Variants in SLC46A1 observed in about 807,000 individuals in gnomAD.
The protein encoded by SLC46A1 is proton-coupled folate transporter.
A neutral mutation model predicts 32.1 loss-of-function variants in SLC46A1; 17 were observed. The ratio of observed to expected loss-of-function variants is 0.53; its 90% CI spans 0.36 to 0.79. SLC46A1 has a LOEUF of 0.79. Ranked by LOEUF, SLC46A1 falls within the 30% of genes least tolerant of loss-of-function variation. The pLI is 0.00. For synonymous variants in SLC46A1, 240 were observed against 262.7 expected, an observed-to-expected ratio of 0.91 and a Z score of 0.84; for missense variants, 517 against 588.2, an observed-to-expected ratio of 0.88 and a Z score of 1.25.
Position 28,404,938 on chromosome 17 carries a change from C to T in SLC46A1, c.759G>A (p.Gln253=). The change falls in exon 2 of 5, where the codon CAG becomes CAA. Residue 253 remains glutamine, a synonymous_variant. Transcript: ENST00000612814. Reference sequence around the variant, plus strand: ...TCTCTGGGGCGGGAGCCACATAGAGCTGGACAATGGATCGGTGGTGACGGA... The same window carrying T: ...TCTCTGGGGCGGGAGCCACATAGAGTTGGACAATGGATCGGTGGTGACGGA... ...FTFRHHRSIV[Q]LYVAPAPEKS... The T allele has an allele frequency of 6.2e-7, 1 of 1,614,034 alleles. No individual in the cohort carries two copies.
upstream of SLC46A1, chr17:28,406,331 C>T (rs1446829697): frequency 2.4e-6 from 1 of 417,598 alleles, no homozygotes; most frequent in Non-Finnish European, 4.1e-6. This position sits in a 1 kb window ranked among gnomAD's most constrained non-coding sequence, Gnocchi z 4.5. Context: ...GGGCCCGGCA[C>T]CCCCAGCCCG....
chr17:28,395,864 T>G lies in SLC46A1; in HGVS notation c.*3792A>C, dbSNP rs2068115049. On this transcript the variant is annotated 3_prime_UTR_variant, in exon 5 of 5. Coordinates refer to ENST00000612814, the MANE Select transcript of SLC46A1 (RefSeq NM_080669.6). The stretch of plus-strand genomic sequence containing the variant: ...CTGCCTGGCTACAAGGGTCCCTAGA[T>G]GGGTACAGGGGTATCTTCCTCCTTT... 1 of 1,609,404 alleles carries G rather than the reference T, an allele frequency of 6.2e-7. No individual in the cohort carries two copies. The highest frequency in any genetic ancestry group is 1.7e-5 in the Admixed American group (1 of 59,990).
In SLC46A1 at chr17:28,405,029, G is replaced by A. The variant is rs1555590652; in HGVS notation, c.668C>T (p.Thr223Ile). ...ACCAAAGCAGAAAGCTGCATAGAGAGTCATGGCTATCAGCAAGGCCAAGGC... is the reference window on the plus strand; with the variant it reads ...ACCAAAGCAGAAAGCTGCATAGAGAATCATGGCTATCAGCAAGGCCAAGGC... ...WLALALLIAM[T>I]LYAAFCFGET... Residue 223 changes from threonine to isoleucine, a missense_variant, in exon 2 of 5, where the codon ACT becomes ATT. Transcript: ENST00000612814. 6.8e-6 allele frequency: 11 copies of A among 1,613,916 alleles called. No homozygotes were observed. The highest frequency in any genetic ancestry group is 8.5e-6 in the Non-Finnish European group (10 of 1,179,900).
Position 28,398,269 on chromosome 17 carries a change from AC to A in SLC46A1, c.*1386del, listed in dbSNP as rs2068155159. ...CCTGCGTTTTATTTCTATTTGGTAT[AC>A]CCTCCACTGTTGTCCACTGCCCTGT... is the stretch of plus-strand genomic sequence containing the variant. On this transcript the variant is annotated 3_prime_UTR_variant, in exon 5 of 5. Coordinates refer to ENST00000612814, the MANE Select transcript of SLC46A1 (RefSeq NM_080669.6). 1.3e-5 allele frequency: 2 copies of A among 152,050 alleles called. No individual in the cohort carries two copies. Among genetic ancestry groups the A allele is most frequent in the South Asian group, 4.2e-4 (2 of 4,812 alleles). 9.4% of individuals were successfully genotyped at this position (152,050 alleles called of 1,614,324 possible).
At position 28,402,220 on chromosome 17, in the gene SLC46A1, G is replaced by A. The variant is rs1555589761; in HGVS notation, c.1165+18C>T. The stretch of plus-strand genomic sequence containing the variant: ...ACTGGACATGAGGAACCAGACACAG[G>A]TGGGTTCTGACACTCACCCTGCTCT... On this transcript the variant is annotated intron_variant, in intron 3 of 4. Transcript: ENST00000612814. The A allele has an allele frequency of 1.2e-6, 2 of 1,607,118 alleles. No individual in the cohort carries two copies. Among genetic ancestry groups the A allele is most frequent in the Admixed American group, 1.7e-5 (1 of 59,498 alleles).
chr17:28,401,110 G>C (rs2068192743), intron 3 of SLC46A1: 1 of 350,540 alleles, frequency 2.9e-6, no homozygotes, highest in African/African-American at 2.1e-5. Context: ...ATCCTCTTTG[G>C]AATCATCTCC....
At chr17:28,404,488 C>G in intron 2 of SLC46A1, 128 bp downstream of exon 2, 1 of 1,232,356 alleles carries the variant, frequency 8.1e-7, no homozygotes, top group Non-Finnish European at 1.2e-6. Context: ...TTCTCCAGTG[C>G]AGGCTGGGGG....
In SLC46A1 at chr17:28,399,083, G is replaced by A. The variant is rs2068164126; in HGVS notation, c.*573C>T. On this transcript the variant is annotated 3_prime_UTR_variant, in exon 5 of 5. Transcript: ENST00000612814. ...AATGATTGGCACTCTTCAGCCAGGG[G>A]AGTGGGTAGGCCATAGCCAAGGATC... The A allele has an allele frequency of 6.5e-6, 1 of 152,956 alleles. No individual in the cohort carries two copies. The highest frequency in any genetic ancestry group is 6.5e-5 in the Admixed American group (1 of 15,430). 9.5% of individuals were successfully genotyped at this position (152,956 alleles called of 1,614,324 possible).
At position 28,399,502 on chromosome 17, in the gene SLC46A1, T is replaced by G. The variant is rs1597829685; in HGVS notation, c.*154A>C. On this transcript the variant is annotated 3_prime_UTR_variant, in exon 5 of 5. Coordinates refer to ENST00000612814, the MANE Select transcript of SLC46A1 (RefSeq NM_080669.6). ...GCTGGGTCAGCTGTGGATGGGGTGGTGCCTTGGTCTCTCTTGACTACCTCG... is the reference window on the plus strand; with the variant it reads ...GCTGGGTCAGCTGTGGATGGGGTGGGGCCTTGGTCTCTCTTGACTACCTCG... 4 of 703,898 alleles carry G rather than the reference T, an allele frequency of 5.7e-6. No homozygotes were observed. The allele number at this position is 703,898 out of a possible 1,614,324, so 43.6% of individuals were successfully genotyped here. A position where few individuals can be genotyped will look rare whatever the true frequency, so the allele number is the denominator to read the frequency against.
At chr17:28,405,628 A>G in intron 1 of SLC46A1, 160 bp from the exon 2 acceptor site, 1 of 1,147,924 alleles carries the variant, frequency 8.7e-7, no homozygotes, top group Non-Finnish European at 1.2e-6. Flanking sequence ...GGAGAGGGGG[A>G]AGGACATGGA....
chr17:28,396,252 G>C lies in SLC46A1; in HGVS notation c.*3404C>G. ...GACTCATCTGCAGGCTCTGACACCA[G>C]TTTGGAGGGTGCTGCACCCATGGGT... On this transcript the variant is annotated 3_prime_UTR_variant, in exon 5 of 5. Coordinates refer to ENST00000612814, the MANE Select transcript of SLC46A1 (RefSeq NM_080669.6). 6.2e-7 allele frequency: 1 copy of C among 1,614,026 alleles called. No individual in the cohort carries two copies. The highest frequency in any genetic ancestry group is 8.5e-7 in the Non-Finnish European group (1 of 1,179,884).
chr17:28,402,461 A>C (rs956839921), intron 2 of SLC46A1, 140 bp from the exon 3 acceptor site: 15 of 670,080 alleles, frequency 2.2e-5, no homozygotes, highest in Non-Finnish European at 3.9e-5. Flanking sequence ...TGAGGGTGGG[A>C]AGACAGTAGT....
chr17:28,402,490 G>T (rs991971877), intron 2 of SLC46A1, 169 bp from the exon 3 acceptor site: 3 of 562,652 alleles, frequency 5.3e-6, no homozygotes, highest in Non-Finnish European at 9.6e-6. Flanking sequence ...AATGGAGACT[G>T]CCCTTGTCTG....
At position 28,399,361 on chromosome 17, in the gene SLC46A1, G is replaced by A. The variant is rs2142451191; in HGVS notation, c.*295C>T. ...TCTCAGGACCTCTCCTCTGGCCTGT[G>A]GGGTTATAAGTGATGGATAGCAGAA... On this transcript the variant is annotated 3_prime_UTR_variant, in exon 5 of 5. Transcript: ENST00000612814. 2.5e-6 allele frequency: 1 copy of A among 405,434 alleles called. No homozygotes were observed. The highest frequency in any genetic ancestry group is 3.6e-5 in the Admixed American group (1 of 27,662). 25.1% of individuals were successfully genotyped at this position (405,434 alleles called of 1,614,324 possible).
rs1555587927 is a variant in SLC46A1 at position 28,396,210 on chromosome 17, A to C, written c.*3446T>G. On this transcript the variant is annotated 3_prime_UTR_variant, in exon 5 of 5. Coordinates refer to ENST00000612814, the MANE Select transcript of SLC46A1 (RefSeq NM_080669.6). ...ATTGAGAAGATCATCCGCTTCCTGC[A>C]GGGCCGCTCCTCCCGGGACTCATCT... The C allele has an allele frequency of 2.5e-6, 4 of 1,613,884 alleles. No homozygotes were observed. In the African/African-American group the frequency reaches 4.0e-5, roughly 16 times the overall value.
In SLC46A1 at chr17:28,400,684, G is replaced by A; in HGVS notation, c.1248C>T (p.Ala416=). 1 of 1,612,818 alleles carries A rather than the reference G, an allele frequency of 6.2e-7. No homozygotes were observed. Among genetic ancestry groups the A allele is most frequent in the Non-Finnish European group, 8.5e-7 (1 of 1,179,564 alleles). ...GGAACCCCTTCATAAAGTTCAGAGT[G>A]GCTGGGTAGAGTGAGTTGAAGATGC... ...ASGIFNSLYP[A]TLNFMKGFPF... Residue 416 remains alanine, a synonymous_variant, in exon 4 of 5, where the codon GCC becomes GCT. Coordinates refer to ENST00000612814, the MANE Select transcript of SLC46A1 (RefSeq NM_080669.6).
In SLC46A1 at chr17:28,398,743, G is replaced by A. The variant is rs1157595360; in HGVS notation, c.*913C>T. ...AGGCATCTCATTGTAGAATGTATGA[G>A]GAAGTGGGAAGTATCTCAGAGAATC... On this transcript the variant is annotated 3_prime_UTR_variant, in exon 5 of 5. Coordinates refer to ENST00000612814, the MANE Select transcript of SLC46A1 (RefSeq NM_080669.6). The A allele has an allele frequency of 6.6e-6, 1 of 152,280 alleles. No individual in the cohort carries two copies. The highest frequency in any genetic ancestry group is 6.5e-5 in the Admixed American group (1 of 15,282). The allele number at this position is 152,280 out of a possible 1,614,324, so 9.4% of individuals were successfully genotyped here. A position where few individuals can be genotyped will look rare whatever the true frequency, so the allele number is the denominator to read the frequency against.
At chr17:28,400,483 C>T (rs2068182280) in intron 4 of SLC46A1, 127 bp downstream of exon 4, 1 of 1,340,158 alleles carries the variant, frequency 7.5e-7, no homozygotes. Flanking sequence ...AGAGGGGCAA[C>T]CTGGGACAAG....
chr17:28,404,890 G>A lies in SLC46A1; in HGVS notation c.807C>T (p.Leu269=). 3 of 1,614,070 alleles carry A rather than the reference G, an allele frequency of 1.9e-6. No homozygotes were observed. The highest frequency in any genetic ancestry group is 1.7e-6 in the Non-Finnish European group (2 of 1,179,906). Reference sequence around the variant, plus strand: ...TCACCACGAAGATGGCCAGTGAGTAGAGGGCTAAATGTTTCCTGGACTTCT... The same window carrying A: ...TCACCACGAAGATGGCCAGTGAGTAAAGGGCTAAATGTTTCCTGGACTTCT... ...APEKSRKHLA[L]YSLAIFVVIT... The change falls in exon 2 of 5, where the codon CTC becomes CTT. Residue 269 remains leucine, a synonymous_variant. Coordinates refer to ENST00000612814, the MANE Select transcript of SLC46A1 (RefSeq NM_080669.6).
Sources: gnomAD v4.1 joint callset for allele counts on GRCh38, gnomAD v4.1.1 for gene constraint, Gnocchi (gnomAD v3.1) non-coding constraint, MANE v1.5 for transcripts, NCBI Gene and HGNC (gene_info 2026-07-23, HGNC 2026-07-21) for gene names.